SERPINA11: variants seen among roughly 807,000 people sequenced by gnomAD.
The protein encoded by SERPINA11 is serpin family A member 11, also known as serpin A11.
Under a neutral mutation model 29.4 loss-of-function variants are expected in SERPINA11, and 28 were observed. The ratio of observed to expected loss-of-function variants is 0.95; its 90% CI spans 0.70 to 1.30. SERPINA11 has a LOEUF of 1.30. Among genes scored for constraint, SERPINA11 ranks in the 50% most tolerant of loss-of-function variants. The pLI, the probability that SERPINA11 is intolerant of heterozygous loss-of-function variation, is 0.00. For missense variants in SERPINA11, 530 were observed against 507.3 expected (o/e 1.04, Z -0.43); for synonymous variants, 253 against 206.6 (o/e 1.22, Z -1.92).
At chr14:94,452,252 TTAGCCC>T (rs1292237385) in intron 1 of SERPINA11, among the ~76,000 whole-genome samples, 5 of 152,156 alleles carry the variant, frequency 3.3e-5, no homozygotes, top group Admixed American at 3.3e-4. Context: ...ACAGGGATTA[TTAGCCC>T]TACTGTACAC....
At position 94,446,462 on chromosome 14, in the gene SERPINA11, G is replaced by A. The variant is rs12888805; in HGVS notation, c.786C>T (p.Thr262=). Residue 262 remains threonine, a synonymous_variant, in exon 3 of 5, where the codon ACC becomes ACT. Coordinates refer to ENST00000334708, the MANE Select transcript of SERPINA11 (RefSeq NM_001080451.2). ...RFLYDQDLAC[T]VLQIEYRGNA... is the part of the protein sequence containing the mutation. Reference sequence around the variant, plus strand: ...TTCCTCTGTATTCTATCTGGAGGACGGTGCAAGCCAAATCCTGGTCATAGA... The same window carrying A: ...TTCCTCTGTATTCTATCTGGAGGACAGTGCAAGCCAAATCCTGGTCATAGA... 622,899 of 1,613,598 alleles carry A rather than the reference G, an allele frequency of 0.39. 125,967 individuals are homozygous for A. Among genetic ancestry groups the A allele is most frequent in the Non-Finnish European group, 0.41 (487,283 of 1,179,656 alleles).
chr14:94,449,405 TATTCTTTCTTTC>T lies in SERPINA11; in HGVS notation c.-3-640_-3-629del, dbSNP rs1482748027. ...GCCTCCCTCCCTCTTTCTTTCTTTC[TATTCTTTCTTTC>T]TTTCTTTCTTTCTTTCTTTCTTTCT... On this transcript the variant is annotated intron_variant, in intron 1 of 4. Coordinates refer to ENST00000334708, the MANE Select transcript of SERPINA11 (RefSeq NM_001080451.2). Among the ~76,000 whole-genome samples the T allele has an allele frequency of 4.4e-3, 241 of 55,272 alleles. 19 individuals are homozygous for T. The highest frequency in any genetic ancestry group is 0.012 in the African/African-American group (223 of 18,978). The allele number at this position is 55,272 out of a possible 152,430, so 36.3% of individuals were successfully genotyped here. A position where few individuals can be genotyped will look rare whatever the true frequency, so the allele number is the denominator to read the frequency against.
chr14:94,447,388 C>T (rs1898465949), intron 2 of SERPINA11, among the ~76,000 whole-genome samples: 1 of 152,174 alleles, frequency 6.6e-6, no homozygotes. Context: ...CCAAGTATTG[C>T]TGATTCTACC....
At chr14:94,443,329 C>T (rs942773901) in intron 3 of SERPINA11, 104 bp from the exon 4 acceptor site, 17 of 1,119,684 alleles carry the variant, frequency 1.5e-5, no homozygotes, top group South Asian at 3.1e-5. Context: ...CATTTCCCAG[C>T]GTGAGAAGCA....
At chr14:94,451,632 A>T (rs982488778) in intron 1 of SERPINA11, among the ~76,000 whole-genome samples, 1 of 152,192 alleles carries the variant, frequency 6.6e-6, no homozygotes, top group Non-Finnish European at 1.5e-5. Context: ...TCAATTGTAA[A>T]TGAGGGGACC....
chr14:94,445,321 A>G (rs1898413374), intron 3 of SERPINA11, among the ~76,000 whole-genome samples: 1 of 152,172 alleles, frequency 6.6e-6, no homozygotes, highest in Non-Finnish European at 1.5e-5. Context: ...TAAGTACCAG[A>G]TTTCATCTCA....
chr14:94,452,654 C>CAGAGAG (rs138192686), intron 1 of SERPINA11, 75 bp downstream of exon 1: 5 of 142,830 alleles, frequency 3.5e-5, no homozygotes, highest in African/African-American at 7.8e-5. Context: ...CACACAGAGA[C>CAGAGAG]AGAGAGAGAG....
At chr14:94,442,911 A>G in intron 4 of SERPINA11, 102 bp from the exon 5 acceptor site, 1 of 1,277,110 alleles carries the variant, frequency 7.8e-7, no homozygotes, top group Non-Finnish European at 1.1e-6. Flanking sequence ...AAGGAAGGGG[A>G]GGTAGAGAAG....
intron 2 of SERPINA11, among the ~76,000 whole-genome samples, chr14:94,447,615 C>T (rs996277091): frequency 2.6e-5 from 4 of 152,240 alleles, no homozygotes; most frequent in Non-Finnish European, 5.9e-5. Context: ...TGGGAGCCCT[C>T]AACCTGGCCT....
In SERPINA11 at chr14:94,448,669, G is replaced by C. The variant is rs1330227762; in HGVS notation, c.106C>G (p.Pro36Ala). The part of the protein sequence containing the change: ...GDKSLQGPQP[P>A]RHQLSEPAPA... ...GCTGGCTCTGAGAGCTGATGCCTGG[G>C]GGGTTGAGGCCCCTGCAGACTTTTA... The change falls in exon 2 of 5, where the codon CCC becomes GCC. Residue 36 changes from proline (P) to alanine (A), a missense_variant. By Grantham distance (27) the Pro-to-Ala change is conservative. Coordinates refer to ENST00000334708, the MANE Select transcript of SERPINA11 (RefSeq NM_001080451.2). 3.8e-6 allele frequency: 6 copies of C among 1,577,958 alleles called. No individual in the cohort carries two copies. The highest frequency in any genetic ancestry group is 5.2e-6 in the Non-Finnish European group (6 of 1,161,712).
At chr14:94,452,226 A>T (rs917508133) in intron 1 of SERPINA11, among the ~76,000 whole-genome samples, 17 of 152,250 alleles carry the variant, frequency 1.1e-4, no homozygotes, top group African/African-American at 3.1e-4. Context: ...TTTAATCCTT[A>T]TGAGAACCTC....
rs114610098 is a variant in SERPINA11, at chr14:94,446,420, C to G, written c.828G>C (p.Leu276=). Residue 276 remains leucine (L), a synonymous_variant, in exon 3 of 5, where the codon CTG becomes CTC. Transcript: ENST00000334708. ...IEYRGNALAL[L]VLPDPGKMKQ... is the part of the protein sequence containing the mutation. The stretch of plus-strand genomic sequence containing the variant: ...TCATTTTCCCCGGGTCAGGGAGGAC[C>G]AGCAGCGCCAAGGCATTTCCTCTGT... 1.9e-6 allele frequency: 3 copies of G among 1,614,176 alleles called. No homozygotes were observed. Among genetic ancestry groups the G allele is most frequent in the Non-Finnish European group, 2.5e-6 (3 of 1,180,014 alleles).
rs933241540 is a variant in SERPINA11 at position 94,443,373 on chromosome 14, G to T, written c.918-148C>A. Reference sequence around the variant, plus strand: ...TCCCATGACACTGTTCACTATGGCGGACCATGCCACTACCCATACCCACAG... The same window carrying T: ...TCCCATGACACTGTTCACTATGGCGTACCATGCCACTACCCATACCCACAG... On this transcript the variant is annotated intron_variant, in intron 3 of 4. Transcript: ENST00000334708. 6 of 702,070 alleles carry T rather than the reference G, an allele frequency of 8.5e-6. No homozygotes were observed. The African/African-American group carries it at 9.1e-5, about 11-fold the overall frequency. 43.5% of individuals were successfully genotyped at this position (702,070 alleles called of 1,614,324 possible).
At position 94,446,623 on chromosome 14, in the gene SERPINA11, T is replaced by C; in HGVS notation, c.644-19A>G. On this transcript the variant is annotated intron_variant, in intron 2 of 4. Transcript: ENST00000334708. ...CACTTGGCTTAGGACACAAAACCCATAAGGCCATGAGAACTCTTTTCAAGA... is the reference window on the plus strand; with the variant it reads ...CACTTGGCTTAGGACACAAAACCCACAAGGCCATGAGAACTCTTTTCAAGA... The C allele has an allele frequency of 6.2e-7, 1 of 1,604,440 alleles. No homozygotes were observed. The highest frequency in any genetic ancestry group is 8.5e-7 in the Non-Finnish European group (1 of 1,175,752).
Position 94,446,550 on chromosome 14 carries a change from A to G in SERPINA11, c.698T>C (p.Phe233Ser). 6.2e-7 allele frequency: 1 copy of G among 1,614,166 alleles called. No individual in the cohort carries two copies. Among genetic ancestry groups the G allele is most frequent in the Middle Eastern group, 1.6e-4 (1 of 6,062 alleles). ...RYQTQKQESF[F>S]VDERTSLQVP... Reference sequence around the variant, plus strand: ...CTGGAGAGAAGTCCTCTCATCCACAAAGAAACTTTCCTGCTTCTGGGTCTG... The same window carrying G: ...CTGGAGAGAAGTCCTCTCATCCACAGAGAAACTTTCCTGCTTCTGGGTCTG... Residue 233 changes from phenylalanine (F) to serine (S), a missense_variant, in exon 3 of 5, where the codon TTT becomes TCT. By Grantham distance (155) the Phe-to-Ser change is radical (BLOSUM62 -2). Coordinates refer to ENST00000334708, the MANE Select transcript of SERPINA11 (RefSeq NM_001080451.2).
intron 4 of SERPINA11, 21 bp from the exon 5 acceptor site, chr14:94,442,830 A>T: frequency 6.3e-7 from 1 of 1,575,876 alleles, no homozygotes; most frequent in South Asian, 1.2e-5. Flanking sequence ...AGAGGAGATG[A>T]AGACAGCATC....
At position 94,446,443 on chromosome 14, in the gene SERPINA11, T is replaced by C; in HGVS notation, c.805A>G (p.Arg269Gly). Residue 269 changes from arginine to glycine, a missense_variant, in exon 3 of 5, where the codon AGA (arginine) becomes GGA (glycine). Coordinates refer to ENST00000334708, the MANE Select transcript of SERPINA11 (RefSeq NM_001080451.2). The stretch of plus-strand genomic sequence containing the variant: ...ACCAGCAGCGCCAAGGCATTTCCTC[T>C]GTATTCTATCTGGAGGACGGTGCAA... ...LACTVLQIEY[R>G]GNALALLVLP... 1.2e-6 allele frequency: 2 copies of C among 1,614,178 alleles called. No homozygotes were observed. Among genetic ancestry groups the C allele is most frequent in the South Asian group, 2.2e-5 (2 of 91,086 alleles).
chr14:94,449,457 CT>C (rs1446406043), intron 1 of SERPINA11, among the ~76,000 whole-genome samples: 1 of 116,430 alleles, frequency 8.6e-6, no homozygotes, highest in Non-Finnish European at 1.6e-5. Flanking sequence ...TTCTTTCTTT[CT>C]TTCTTTCTTT....
chr14:94,452,564 A>G (rs1202712142), intron 1 of SERPINA11, among the ~76,000 whole-genome samples, 165 bp downstream of exon 1: 1 of 144,192 alleles, frequency 6.9e-6, no homozygotes, highest in Non-Finnish European at 1.5e-5. Context: ...TTCTTCAGGG[A>G]CTTACTTCTC....
Sources: gnomAD v4.1 joint callset for allele counts (sites outside exome capture counted in the v4.1 genomes callset) on GRCh38, gnomAD v4.1.1 for gene constraint, MANE v1.5 for transcripts, NCBI Gene and HGNC (gene_info 2026-07-23, HGNC 2026-07-21) for gene names.